Variants in COL4A5 observed in about 807,000 individuals in gnomAD.
COL4A5 encodes collagen type IV alpha 5 chain.
In COL4A5, 26 loss-of-function variants were observed where a neutral mutation model predicts 130.2. The ratio of observed to expected loss-of-function variants is 0.20; its 90% CI spans 0.15 to 0.28. The LOEUF (loss-of-function observed/expected upper bound fraction) is 0.28. Ranked by LOEUF, COL4A5 falls within the 10% of genes least tolerant of loss-of-function variation. The pLI is 1.00. For synonymous variants in COL4A5, 496 were observed against 439.6 expected, an observed-to-expected ratio of 1.13 and a Z score of -1.60; for missense variants, 1,131 against 1,344.3, an observed-to-expected ratio of 0.84 and a Z score of 2.48.
intron 49 of COL4A5, chrX:108,689,860 A>G: frequency 1.3e-6 from 1 of 753,990 alleles, no homozygotes; most frequent in Non-Finnish European, 1.6e-6. Flanking sequence ...ACTATGGGGT[A>G]TAGAGGGCAT....
chrX:108,668,594 A>AT (rs757412627), intron 41 of COL4A5, 90 bp downstream of exon 41: 1 of 721,489 alleles, frequency 1.4e-6, no homozygotes, highest in South Asian at 5.2e-5. Flanking sequence ...AGACTTTAGA[A>AT]TTTTTCCGGT....
chrX:108,518,471 T>G (rs942566453), intron 1 of COL4A5, among the ~76,000 whole-genome samples: 8 of 110,979 alleles, frequency 7.2e-5, no homozygotes, highest in Non-Finnish European at 1.3e-4. Flanking sequence ...CTGATGTCTT[T>G]GAATCTTTGG....
At chrX:108,458,607 TA>T (rs972963801) in intron 1 of COL4A5, among the ~76,000 whole-genome samples, 4 of 111,902 alleles carry the variant, frequency 3.6e-5, no homozygotes, top group African/African-American at 1.3e-4. Context: ...ATTTAATCTA[TA>T]GGTCATTTTT....
intron 29 of COL4A5, among the ~76,000 whole-genome samples, chrX:108,610,331 G>C (rs975776297): frequency 1.8e-5 from 2 of 111,500 alleles, no homozygotes; most frequent in African/African-American, 6.5e-5. Flanking sequence ...TATTAAAGCA[G>C]TAAGACAGCC....
At chrX:108,643,778 A>G (rs1271782891) in intron 36 of COL4A5, among the ~76,000 whole-genome samples, 1 of 111,997 alleles carries the variant, frequency 8.9e-6, no homozygotes, top group Non-Finnish European at 1.9e-5. Flanking sequence ...AGCATAAATC[A>G]CATAGGACCT....
At chrX:108,558,111 T>G (rs1490559800) in intron 2 of COL4A5, among the ~76,000 whole-genome samples, 1 of 85,076 alleles carries the variant, frequency 1.2e-5, no homozygotes, top group African/African-American at 4.5e-5. Flanking sequence ...TGTGTGATGT[T>G]CCCCTTCCTG....
intron 1 of COL4A5, among the ~76,000 whole-genome samples, chrX:108,478,269 C>T (rs1425221265): frequency 9.0e-6 from 1 of 111,516 alleles, no homozygotes; most frequent in Non-Finnish European, 1.9e-5. Context: ...GCAATCTTGA[C>T]TTACGGTTTA....
rs1569491107 is a variant in COL4A5 at position 108,581,028 on chromosome X, G to A, written c.936+1G>A. ...AGAAAATGGCCAACCAGGAATTCCT[G>A]TAAGTAGCTAAGGTTCTTTCCCCCT... On this transcript the variant is annotated splice_donor_variant, in intron 16 of 52. Transcript: ENST00000328300. LOFTEE classifies it high-confidence loss of function. 8.3e-7 allele frequency: 1 copy of A among 1,205,150 alleles called. No homozygotes were observed. The highest frequency in any genetic ancestry group is 1.8e-5 in the South Asian group (1 of 56,843).
chrX:108,653,941 A>T (rs1300225702), intron 36 of COL4A5, among the ~76,000 whole-genome samples: 1 of 111,912 alleles, frequency 8.9e-6, no homozygotes, highest in Non-Finnish European at 1.9e-5. Context: ...AAGATTCTTA[A>T]TTTTTTTAAA....
In COL4A5 at chrX:108,686,037, C is replaced by G. The variant is rs151278542; in HGVS notation, c.4223C>G (p.Thr1408Ser). ...PQGPQGLPGP[T>S]GPPGDPGRNG... ...CCTCATTCTTTTCCTGTAGGTCCAA[C>G]TGGCCCTCCAGGAGATCCTGGACGC... The change falls in exon 48 of 53, where the codon ACT becomes AGT. Residue 1408 changes from threonine (T) to serine (S), a missense_variant. By Grantham distance (58) the Thr-to-Ser change is moderately conservative. Transcript: ENST00000328300. 562 of 1,205,895 alleles carry G rather than the reference C, an allele frequency of 4.7e-4. 3 individuals carry two copies. In the African/African-American group the frequency reaches 9.2e-3, roughly 20 times the overall value.
intron 36 of COL4A5, among the ~76,000 whole-genome samples, chrX:108,630,610 G>C (rs1346277979): frequency 8.9e-6 from 1 of 111,804 alleles, no homozygotes; most frequent in Non-Finnish European, 1.9e-5. Flanking sequence ...TGGGTTGCCT[G>C]TTCACTCTGA....
At chrX:108,454,160 C>T (rs767135170) in intron 1 of COL4A5, among the ~76,000 whole-genome samples, 19 of 112,230 alleles carry the variant, frequency 1.7e-4, no homozygotes, top group African/African-American at 5.2e-4. Context: ...TAGATTTATC[C>T]GGATAACACT....
intron 1 of COL4A5, among the ~76,000 whole-genome samples, chrX:108,455,399 C>T (rs1352931327): frequency 1.8e-5 from 2 of 111,885 alleles, no homozygotes; most frequent in African/African-American, 3.3e-5. Flanking sequence ...TTTAAAAGTA[C>T]TAAATTGAGC....
chrX:108,534,685 C>A (rs2065432100), intron 1 of COL4A5, among the ~76,000 whole-genome samples: 1 of 111,347 alleles, frequency 9.0e-6, no homozygotes, highest in African/African-American at 3.3e-5. Context: ...CTTCTGAGAA[C>A]TAATCTGTAA....
rs558025535 is a variant in COL4A5, at chrX:108,607,350, CAAAAAAAAA to C, written c.2395+467_2395+475del. 6.0e-5 allele frequency among the ~76,000 whole-genome samples: 3 copies of C among 49,754 alleles called. No homozygotes were observed. The Admixed American group carries it at 6.1e-4, about 10-fold the overall frequency. The allele number at this position is 49,754 out of a possible 115,157, so 43.2% of individuals were successfully genotyped here. On this transcript the variant is annotated intron_variant, in intron 29 of 52. Coordinates refer to ENST00000328300, the MANE Select transcript of COL4A5 (RefSeq NM_033380.3). ...TGGGTGACAGAGTGAGACTTTGTCT[CAAAAAAAAA>C]AAAAAAAACAATCATATATGTTATA...
chrX:108,519,852 A>G (rs750533467), intron 1 of COL4A5, among the ~76,000 whole-genome samples: 1 of 111,007 alleles, frequency 9.0e-6, no homozygotes, highest in Admixed American at 9.6e-5. Flanking sequence ...GATTTTGTTT[A>G]TGGTACATAA....
At chrX:108,646,137 A>T (rs113893503) in intron 36 of COL4A5, among the ~76,000 whole-genome samples, 10,665 of 109,880 alleles carry the variant, frequency 0.097, 1,279 homozygotes, top group African/African-American at 0.32. Flanking sequence ...TAGTTCTAGA[A>T]CCCTGAGGAA....
chrX:108,526,591 CCCTCCTTTCTTTCTTTCTTTCTTTCTTT>C (rs2065315389), intron 1 of COL4A5, among the ~76,000 whole-genome samples: 3 of 53,236 alleles, frequency 5.6e-5, no homozygotes, highest in African/African-American at 3.7e-4. Context: ...CTCCCTCCCT[CCCTCCTTTCTTTCTTTCTTTCTTTCTTT>C]CTTTCTTTCT....
At chrX:108,593,148 G>T (rs1334086876) in intron 21 of COL4A5, among the ~76,000 whole-genome samples, 2 of 111,044 alleles carry the variant, frequency 1.8e-5, no homozygotes, top group Non-Finnish European at 3.8e-5. Context: ...TTTTTTGTAG[G>T]ACATAAACAC....
Sources: allele counts gnomAD v4.1 joint callset (sites outside exome capture counted in the v4.1 genomes callset), GRCh38; gene constraint gnomAD v4.1.1; transcripts MANE v1.5; gene names NCBI Gene and HGNC (gene_info 2026-07-23, HGNC 2026-07-21).